Variants in PDGFD observed in about 807,000 individuals in gnomAD.
PDGFD encodes the protein platelet-derived growth factor D.
In PDGFD, 30 loss-of-function variants were observed where a neutral mutation model predicts 44.7. The ratio of observed to expected loss-of-function variants is 0.67; its 90% CI spans 0.50 to 0.91. The LOEUF (loss-of-function observed/expected upper bound fraction) is 0.91, where lower values mean the gene tolerates loss of function less well. Ranked by LOEUF, PDGFD falls within the 40% of genes least tolerant of loss-of-function variation. The pLI is 0.00. For synonymous variants in PDGFD, 173 were observed against 168.4 expected, an observed-to-expected ratio of 1.03 and a Z score of -0.21; for missense variants, 445 against 457.8, an observed-to-expected ratio of 0.97 and a Z score of 0.25.
chr11:104,123,325 C>A (rs1337560225), intron 1 of PDGFD, among the ~76,000 whole-genome samples: 1 of 151,842 alleles, frequency 6.6e-6, no homozygotes, highest in East Asian at 1.9e-4. Flanking sequence ...TATAACAGAG[C>A]CTTTAAAAAA....
chr11:104,143,487 G>T lies in PDGFD; in HGVS notation c.124+20317C>A, dbSNP rs200660048. Among the ~76,000 whole-genome samples the T allele has an allele frequency of 5.3e-5, 8 of 152,316 alleles. No homozygotes were observed. The East Asian group carries it at 1.5e-3, about 29-fold the overall frequency. On this transcript the variant is annotated intron_variant, in intron 1 of 6. Coordinates refer to ENST00000393158, the MANE Select transcript of PDGFD (RefSeq NM_025208.5). ...ATAAAACCTGGCAGCCGAAGGTCTG[G>T]TTTAAGCATCCTTGGAGGTACCATT...
intron 1 of PDGFD, among the ~76,000 whole-genome samples, chr11:104,065,057 A>C (rs1199854391): frequency 6.6e-6 from 1 of 152,194 alleles, no homozygotes; most frequent in Non-Finnish European, 1.5e-5. Flanking sequence ...AAAAGGAGGC[A>C]GAAGAACGTT....
At chr11:103,954,417 T>G (rs1056945285) in intron 3 of PDGFD, among the ~76,000 whole-genome samples, 1 of 152,230 alleles carries the variant, frequency 6.6e-6, no homozygotes, top group Non-Finnish European at 1.5e-5. Context: ...GGATGATTAG[T>G]TGTACCACCT....
intron 1 of PDGFD, among the ~76,000 whole-genome samples, chr11:104,025,567 A>G (rs1214057757): frequency 2.0e-5 from 3 of 152,196 alleles, no homozygotes; most frequent in African/African-American, 7.2e-5. Context: ...AGTACATGTG[A>G]GAAAGTGGAT....
At chr11:103,988,561 G>C (rs1408305704) in intron 3 of PDGFD, among the ~76,000 whole-genome samples, 1 of 152,122 alleles carries the variant, frequency 6.6e-6, no homozygotes, top group African/African-American at 2.4e-5. Flanking sequence ...CAGCAAGTGT[G>C]GGGTACTTAA....
At chr11:103,985,617 G>A (rs1859350944) in intron 3 of PDGFD, among the ~76,000 whole-genome samples, 1 of 150,770 alleles carries the variant, frequency 6.6e-6, no homozygotes, top group African/African-American at 2.5e-5. Context: ...GAGGAATCCT[G>A]AGGTGACTAG....
At chr11:104,150,007 A>C (rs1284897971) in intron 1 of PDGFD, among the ~76,000 whole-genome samples, 2 of 152,202 alleles carry the variant, frequency 1.3e-5, no homozygotes, top group African/African-American at 4.8e-5. Flanking sequence ...TAATGCTGAG[A>C]CTAGTAAGTG....
intron 1 of PDGFD, among the ~76,000 whole-genome samples, chr11:104,062,039 G>A (rs1329905437): frequency 2.6e-5 from 4 of 152,222 alleles, no homozygotes; most frequent in Admixed American, 6.5e-5. Context: ...CTCACGTTTC[G>A]TGGAATGTTT....
At chr11:104,049,750 G>C (rs1860499112) in intron 1 of PDGFD, among the ~76,000 whole-genome samples, 1 of 152,158 alleles carries the variant, frequency 6.6e-6, no homozygotes, top group Admixed American at 6.5e-5. Flanking sequence ...TGAAGAACAG[G>C]GGGGTCACCC....
Position 103,947,473 on chromosome 11 carries a change from T to C in PDGFD, c.573+189A>G, listed in dbSNP as rs576172706. On this transcript the variant is annotated intron_variant, in intron 4 of 6. Transcript: ENST00000393158. ...TATACTGGCAGTTCCTGGAAACATT[T>C]CTGACAGACAGGGAAAAGGGTTTCT... Among the ~76,000 whole-genome samples, 34 of 152,314 alleles carry C rather than the reference T, an allele frequency of 2.2e-4. 1 individual carries two copies. The South Asian group carries it at 6.4e-3, about 29-fold the overall frequency.
chr11:104,118,897 A>T (rs1274578431), intron 1 of PDGFD, among the ~76,000 whole-genome samples: 3 of 91,568 alleles, frequency 3.3e-5, no homozygotes, highest in African/African-American at 8.9e-5. Context: ...TATTATGTAT[A>T]ATATTAAGTA....
chr11:103,973,126 A>G (rs2134345605), intron 3 of PDGFD, among the ~76,000 whole-genome samples: 1 of 151,884 alleles, frequency 6.6e-6, no homozygotes, highest in East Asian at 1.9e-4. Context: ...ATAACGAAGA[A>G]GAAAGTGGTC....
intron 1 of PDGFD, among the ~76,000 whole-genome samples, chr11:104,133,985 T>C (rs1198112810): frequency 6.6e-6 from 1 of 152,212 alleles, no homozygotes; most frequent in Non-Finnish European, 1.5e-5. Flanking sequence ...AGACAGACAC[T>C]TGTGCAATCT....
At chr11:104,028,690 G>A (rs549931244) in intron 1 of PDGFD, among the ~76,000 whole-genome samples, 2 of 148,742 alleles carry the variant, frequency 1.3e-5, no homozygotes, top group South Asian at 4.4e-4. Context: ...CCACAACCCT[G>A]CATTCTAGAT....
intron 1 of PDGFD, chr11:104,037,208 C>A (rs1330324603): frequency 1.2e-6 from 2 of 1,613,658 alleles, no homozygotes; most frequent in Non-Finnish European, 1.7e-6. Context: ...CAGGGCTTGG[C>A]GTCAGGAGAG....
intron 1 of PDGFD, among the ~76,000 whole-genome samples, chr11:104,125,429 T>G (rs1306402299): frequency 2.6e-5 from 4 of 152,166 alleles, no homozygotes; most frequent in Non-Finnish European, 5.9e-5. Flanking sequence ...TGTCTATTTC[T>G]GTTTATTATT....
At chr11:104,030,173 A>G (rs1206030255) in intron 1 of PDGFD, among the ~76,000 whole-genome samples, 1 of 152,232 alleles carries the variant, frequency 6.6e-6, no homozygotes, top group East Asian at 1.9e-4. Flanking sequence ...CTCATTATGT[A>G]TAAGCGAATA....
At chr11:103,914,961 G>A (rs1028285334) in intron 6 of PDGFD, among the ~76,000 whole-genome samples, 20 of 152,096 alleles carry the variant, frequency 1.3e-4, no homozygotes, top group Non-Finnish European at 2.5e-4. Context: ...AATAATAAGA[G>A]CTATTTATAC....
chr11:104,126,472 T>C (rs571479475), intron 1 of PDGFD, among the ~76,000 whole-genome samples: 8 of 152,172 alleles, frequency 5.3e-5, no homozygotes, highest in Admixed American at 3.3e-4. Flanking sequence ...TCGGGTCTTT[T>C]TACACCCAAA....
Sources: allele counts gnomAD v4.1 joint callset (sites outside exome capture counted in the v4.1 genomes callset), GRCh38; gene constraint gnomAD v4.1.1; transcripts MANE v1.5; gene names NCBI Gene and HGNC (gene_info 2026-07-23, HGNC 2026-07-21).